Variants in PLXNC1 observed in about 807,000 individuals in gnomAD.
PLXNC1 encodes the protein plexin-C1.
PLXNC1 carries 75 observed loss-of-function variants against 178.2 expected under a neutral mutation model. The observed-to-expected ratio is 0.42, with a 90% confidence interval of 0.35 to 0.51. The LOEUF (loss-of-function observed/expected upper bound fraction) is 0.51. PLXNC1 is among the 20% of genes least tolerant of loss of function. The probability of loss-of-function intolerance (pLI) is 0.02; values close to 1 mark genes in which losing one functional copy is unlikely to be tolerated. For missense variants in PLXNC1, 1,503 were observed against 1,984.4 expected (o/e 0.76, Z 4.61); for synonymous variants, 790 against 779.9 (o/e 1.01, Z -0.22).
At chr12:94,281,300 C>CA (rs1341986869) in intron 22 of PLXNC1, among the ~76,000 whole-genome samples, 1 of 151,562 alleles carries the variant, frequency 6.6e-6, no homozygotes, top group East Asian at 1.9e-4. Flanking sequence ...AAAACAAAAC[C>CA]AAAAAAAAGA....
At chr12:94,199,352 G>A (rs1217319351) in intron 4 of PLXNC1, among the ~76,000 whole-genome samples, 1 of 152,226 alleles carries the variant, frequency 6.6e-6, no homozygotes, top group Non-Finnish European at 1.5e-5. Flanking sequence ...CAGCAATAAT[G>A]ATAATGGAAT....
rs546270410 is a variant in PLXNC1 at position 94,234,954 on chromosome 12, T to C, written c.1981-2710T>C. ...GTATTTCTAAGAATTGTTGCAACCA[T>C]ACAGGGCAGCCATGGAGCTGACTCT... On this transcript the variant is annotated intron_variant, in intron 9 of 30. Coordinates refer to ENST00000258526, the MANE Select transcript of PLXNC1 (RefSeq NM_005761.3). Among the ~76,000 whole-genome samples the C allele has an allele frequency of 2.6e-5, 4 of 152,332 alleles. No individual in the cohort carries two copies. The South Asian group carries it at 8.3e-4, about 32-fold the overall frequency.
In PLXNC1 at chr12:94,248,050, T is replaced by C. The variant is rs1565829243; in HGVS notation, c.2536T>C (p.Phe846Leu). The change falls in exon 13 of 31, where the codon TTC becomes CTC. Residue 846 changes from phenylalanine to leucine, a missense_variant. Physicochemically the swap from Phe to Leu is conservative, Grantham distance 22. Transcript: ENST00000258526. ...GTLQYREDPR[F>L]TGYRVESEVD... ...CCTGCAGTATCGGGAGGACCCCAGA[T>C]TCACGGGGTATCGGGTGGAATCCGA... The C allele has an allele frequency of 1.9e-6, 3 of 1,614,058 alleles. No individual in the cohort carries two copies. The highest frequency in any genetic ancestry group is 1.7e-6 in the Non-Finnish European group (2 of 1,179,954).
chr12:94,186,733 G>A, intron 4 of PLXNC1: 1 of 379,426 alleles, frequency 2.6e-6, no homozygotes, highest in South Asian at 3.2e-5. Flanking sequence ...GAACGGGAGA[G>A]AGCAGGCAGG....
intron 17 of PLXNC1, among the ~76,000 whole-genome samples, chr12:94,257,258 C>G (rs531161759): frequency 1.3e-5 from 2 of 152,208 alleles, no homozygotes; most frequent in African/African-American, 4.8e-5. Context: ...TGTTCAGCAC[C>G]TACAAAAAAG....
intron 1 of PLXNC1, among the ~76,000 whole-genome samples, chr12:94,158,632 A>G (rs1293525982): frequency 6.6e-6 from 1 of 152,166 alleles, no homozygotes; most frequent in East Asian, 1.9e-4. Flanking sequence ...CCCCATCTCT[A>G]CAAAAATAAA....
At chr12:94,248,496 C>T in intron 14 of PLXNC1, 84 bp downstream of exon 14, 1 of 1,041,602 alleles carries the variant, frequency 9.6e-7, no homozygotes, top group Non-Finnish European at 1.4e-6. Flanking sequence ...AGAATGGAAT[C>T]TTTCATGGAT....
intron 1 of PLXNC1, among the ~76,000 whole-genome samples, chr12:94,163,892 G>C (rs998755524): frequency 6.6e-6 from 1 of 152,150 alleles, no homozygotes; most frequent in Admixed American, 6.5e-5. Flanking sequence ...ATCACTGTCC[G>C]ACTTGGGCAA....
At chr12:94,247,567 A>G (rs975563462) in intron 12 of PLXNC1, among the ~76,000 whole-genome samples, 1 of 152,138 alleles carries the variant, frequency 6.6e-6, no homozygotes, top group African/African-American at 2.4e-5. Flanking sequence ...TCCCTAGCCT[A>G]CTGCTTTCAG....
At chr12:94,227,487 T>G in intron 9 of PLXNC1, 1 of 329,424 alleles carries the variant, frequency 3.0e-6, no homozygotes, top group Non-Finnish European at 5.7e-6. Context: ...AATAAAATTG[T>G]AAAGGTGACT....
At chr12:94,238,329 T>C (rs1354315423) in intron 10 of PLXNC1, among the ~76,000 whole-genome samples, 1 of 152,194 alleles carries the variant, frequency 6.6e-6, no homozygotes, top group Non-Finnish European at 1.5e-5. Flanking sequence ...CATATAATGG[T>C]AGTAAAAAAG....
At chr12:94,258,576 A>G (rs1043825823) in intron 17 of PLXNC1, among the ~76,000 whole-genome samples, 3 of 152,246 alleles carry the variant, frequency 2.0e-5, no homozygotes, top group Non-Finnish European at 2.9e-5. Context: ...ATGATACACT[A>G]TAAACCCTTT....
In PLXNC1 at chr12:94,179,550, G is replaced by A. The variant is rs569514685; in HGVS notation, c.1204-1896G>A. On this transcript the variant is annotated intron_variant, in intron 2 of 30. Transcript: ENST00000258526. ...CAGGTCAGGAGTTCAAGACCAGCCTGGCCAACATGGTGAAACCCCGTCTCT... is the reference window on the plus strand; with the variant it reads ...CAGGTCAGGAGTTCAAGACCAGCCTAGCCAACATGGTGAAACCCCGTCTCT... Among the ~76,000 whole-genome samples the A allele has an allele frequency of 2.6e-5, 4 of 152,168 alleles. No homozygotes were observed. The South Asian group carries it at 6.2e-4, about 24-fold the overall frequency.
At chr12:94,304,344 T>G (rs1968787101) in intron 30 of PLXNC1, 2 of 274,698 alleles carry the variant, frequency 7.3e-6, no homozygotes, top group Non-Finnish European at 1.4e-5. Flanking sequence ...GTGGCCCTAT[T>G]AAATGGGGTC....
Position 94,212,965 on chromosome 12 carries a change from C to T in PLXNC1, c.1554+3261C>T, listed in dbSNP as rs149397377. Among the ~76,000 whole-genome samples, 804 of 152,242 alleles carry T rather than the reference C, an allele frequency of 5.3e-3. 13 individuals carry two copies. Among genetic ancestry groups the T allele is most frequent in the African/African-American group, 0.019 (775 of 41,540 alleles). The stretch of plus-strand genomic sequence containing the variant: ...CAATCTCCTGACCTCGTGATCTGCC[C>T]GCCTTGGCCTCCCAAAGTGCTGGGA... On this transcript the variant is annotated intron_variant, in intron 5 of 30. Transcript: ENST00000258526.
Position 94,247,885 on chromosome 12 carries a change from T to C in PLXNC1, c.2389-18T>C. Reference sequence around the variant, plus strand: ...TTCGTTAACAAAGTTACTAAAACATTCTTTTCTTTTTGTCCAGGTCTCTGA... The same window carrying C: ...TTCGTTAACAAAGTTACTAAAACATCCTTTTCTTTTTGTCCAGGTCTCTGA... On this transcript the variant is annotated intron_variant, in intron 12 of 30. Coordinates refer to ENST00000258526, the MANE Select transcript of PLXNC1 (RefSeq NM_005761.3). The C allele has an allele frequency of 6.2e-7, 1 of 1,610,674 alleles. No individual in the cohort carries two copies. Among genetic ancestry groups the C allele is most frequent in the Non-Finnish European group, 8.5e-7 (1 of 1,177,600 alleles).
intron 12 of PLXNC1, among the ~76,000 whole-genome samples, chr12:94,246,149 C>T (rs10859691): frequency 0.37 from 56,423 of 152,074 alleles, 11,909 homozygotes; most frequent in South Asian, 0.48. Context: ...TGCTTGTTGC[C>T]GCTGAATCAC....
chr12:94,181,136 A>C (rs992678427), intron 2 of PLXNC1, among the ~76,000 whole-genome samples: 3 of 152,090 alleles, frequency 2.0e-5, no homozygotes, highest in African/African-American at 7.2e-5. Flanking sequence ...GTGGTGGCTC[A>C]CACCTGTTAC....
At chr12:94,288,872 G>A (rs1453581814) in intron 23 of PLXNC1, among the ~76,000 whole-genome samples, 14 of 152,214 alleles carry the variant, frequency 9.2e-5, no homozygotes, top group Admixed American at 9.2e-4. Context: ...AGGAATGAGA[G>A]ATTTCAATCA....
Sources: gnomAD v4.1 joint callset for allele counts (sites outside exome capture counted in the v4.1 genomes callset) on GRCh38, gnomAD v4.1.1 for gene constraint, MANE v1.5 for transcripts, NCBI Gene and HGNC (gene_info 2026-07-23, HGNC 2026-07-21) for gene names.